STIM1: variants seen among roughly 807,000 people sequenced by gnomAD.
STIM1 encodes stromal interaction molecule 1.
In STIM1, 25 loss-of-function variants were observed where a neutral mutation model predicts 74.7. The ratio of observed to expected loss-of-function variants is 0.33; its 90% CI spans 0.24 to 0.47. The LOEUF is 0.47. STIM1 is among the 20% of genes least tolerant of loss of function. The probability of loss-of-function intolerance (pLI) is 1.00; values close to 1 mark genes in which losing one functional copy is unlikely to be tolerated. For missense variants in STIM1, 728 were observed against 920.8 expected (o/e 0.79, Z 2.71); for synonymous variants, 328 against 348.8 (o/e 0.94, Z 0.66).
At chr11:3,898,690 G>A (rs893175691) in intron 1 of STIM1, among the ~76,000 whole-genome samples, 1 of 151,874 alleles carries the variant, frequency 6.6e-6, no homozygotes, top group African/African-American at 2.4e-5. Flanking sequence ...ATTAATTTTT[G>A]TATAAGGTGT....
rs2091937811 is a variant in STIM1 at position 3,892,808 on chromosome 11, T to C, written c.139+36399T>C. 1.9e-6 allele frequency: 3 copies of C among 1,613,050 alleles called. No homozygotes were observed. The East Asian group carries it at 6.7e-5, about 36-fold the overall frequency. ...GTTTTCTGCTGTCTTTGGAACCTTG[T>C]CTGCAAATAGCTTGAAGGAGACATG... On this transcript the variant is annotated intron_variant, in intron 1 of 12. Coordinates refer to ENST00000526596, the MANE Select transcript of STIM1 (RefSeq NM_001382567.1).
chr11:3,974,890 G>T (rs1186811968), intron 2 of STIM1, among the ~76,000 whole-genome samples: 4 of 152,090 alleles, frequency 2.6e-5, no homozygotes, highest in African/African-American at 9.7e-5. Context: ...GCAGACAAGG[G>T]CCTACCTAAG....
chr11:3,971,252 G>C (rs1409501471), intron 2 of STIM1, among the ~76,000 whole-genome samples: 24 of 150,614 alleles, frequency 1.6e-4, no homozygotes, highest in Non-Finnish European at 3.4e-4. Flanking sequence ...AAAAAGGGCC[G>C]GGCACGGTGG....
chr11:3,882,240 C>T (rs1297271283), intron 1 of STIM1, among the ~76,000 whole-genome samples: 1 of 151,682 alleles, frequency 6.6e-6, no homozygotes, highest in African/African-American at 2.4e-5. Context: ...GCTGGGATTA[C>T]AGGCGTGCGC....
intron 1 of STIM1, among the ~76,000 whole-genome samples, chr11:3,925,375 C>T (rs1285946955): frequency 6.6e-6 from 1 of 152,228 alleles, no homozygotes; most frequent in Admixed American, 6.5e-5. Context: ...AGCCTGGCGA[C>T]AGAGTGAGAC....
chr11:3,948,861 A>G (rs1042957141), intron 1 of STIM1, among the ~76,000 whole-genome samples: 2 of 152,184 alleles, frequency 1.3e-5, no homozygotes, highest in Non-Finnish European at 2.9e-5. Flanking sequence ...CCAAGCATCT[A>G]CTATATGCCA....
chr11:4,078,979 A>G (rs2094451101), intron 7 of STIM1, among the ~76,000 whole-genome samples: 1 of 152,124 alleles, frequency 6.6e-6, no homozygotes, highest in Non-Finnish European at 1.5e-5. Context: ...ACATTAAAAA[A>G]TATTTATTAA....
At chr11:3,983,233 C>T (rs1169296044) in intron 2 of STIM1, among the ~76,000 whole-genome samples, 1 of 152,204 alleles carries the variant, frequency 6.6e-6, no homozygotes, top group Admixed American at 6.5e-5. Context: ...CATGCCCTGC[C>T]TCTATCTCCA....
intron 1 of STIM1, among the ~76,000 whole-genome samples, chr11:3,939,890 C>T (rs1460340684): frequency 6.6e-6 from 1 of 152,154 alleles, no homozygotes; most frequent in Non-Finnish European, 1.5e-5. Flanking sequence ...TTCCCTTGTT[C>T]TGTAGCTGAA....
intron 1 of STIM1, among the ~76,000 whole-genome samples, chr11:3,936,748 C>T (rs2092936636): frequency 6.6e-6 from 1 of 152,118 alleles, no homozygotes; most frequent in Admixed American, 6.6e-5. Flanking sequence ...CCTTGAAATC[C>T]AATCCTTTGA....
intron 1 of STIM1, among the ~76,000 whole-genome samples, chr11:3,918,288 A>G (rs1299104201): frequency 6.6e-6 from 1 of 152,168 alleles, no homozygotes; most frequent in East Asian, 1.9e-4. Flanking sequence ...AGGCCAAGGC[A>G]GGTGGATCAC....
Position 4,023,879 on chromosome 11 carries a change from A to C in STIM1, c.277A>C (p.Arg93=). ...GTGTACTTTTCCCTTGCAGTTCCTG[A>C]GGGAAGACCTCAATTACCATGACCC... ...VDVEESDEFL[R]EDLNYHDPTV... The change falls in exon 3 of 13, where the codon AGG becomes CGG. Residue 93 remains arginine (R), a synonymous_variant. Transcript: ENST00000526596. 6.2e-7 allele frequency: 1 copy of C among 1,613,716 alleles called. No individual in the cohort carries two copies. The highest frequency in any genetic ancestry group is 8.5e-7 in the Non-Finnish European group (1 of 1,179,724).
intron 3 of STIM1, among the ~76,000 whole-genome samples, chr11:4,028,848 T>C (rs1443753265): frequency 2.0e-5 from 3 of 152,152 alleles, no homozygotes; most frequent in African/African-American, 7.2e-5. Flanking sequence ...GACTTTGCCA[T>C]AGTAGTTGTT....
At chr11:4,028,006 C>G (rs1049159136) in intron 3 of STIM1, among the ~76,000 whole-genome samples, 1 of 152,194 alleles carries the variant, frequency 6.6e-6, no homozygotes, top group Non-Finnish European at 1.5e-5. Flanking sequence ...TTCATTTTTT[C>G]TAAGCAAAGT....
intron 1 of STIM1, among the ~76,000 whole-genome samples, chr11:3,940,226 C>T (rs2092988659): frequency 1.3e-5 from 2 of 152,170 alleles, no homozygotes; most frequent in African/African-American, 4.8e-5. Flanking sequence ...GAATGCCTAG[C>T]TCTGTTAGGT....
chr11:3,864,792 C>T (rs1294058715), intron 1 of STIM1, among the ~76,000 whole-genome samples: 1 of 152,226 alleles, frequency 6.6e-6, no homozygotes, highest in Non-Finnish European at 1.5e-5. Context: ...GGAACAATCA[C>T]TTCTAGGTTC....
intron 4 of STIM1, among the ~76,000 whole-genome samples, chr11:4,058,464 G>C (rs1349715835): frequency 6.6e-6 from 1 of 152,190 alleles, no homozygotes; most frequent in Non-Finnish European, 1.5e-5. Context: ...CTATGCATCA[G>C]AAAAGAGCAC....
chr11:3,971,168 G>A (rs1358888030), intron 2 of STIM1, among the ~76,000 whole-genome samples: 3 of 151,382 alleles, frequency 2.0e-5, no homozygotes, highest in Non-Finnish European at 4.4e-5. Flanking sequence ...TTGAGGCCAG[G>A]AGTTCAAGAC....
intron 2 of STIM1, among the ~76,000 whole-genome samples, chr11:4,000,598 T>C (rs1191738120): frequency 2.0e-5 from 3 of 151,732 alleles, no homozygotes; most frequent in African/African-American, 7.3e-5. Flanking sequence ...ATCACCATCA[T>C]CAAAGACCAA....
Sources: gnomAD v4.1 joint callset for allele counts (sites outside exome capture counted in the v4.1 genomes callset) on GRCh38, gnomAD v4.1.1 for gene constraint, MANE v1.5 for transcripts, NCBI Gene and HGNC (gene_info 2026-07-23, HGNC 2026-07-21) for gene names.